The following ITPK1 variants were observed in gnomAD, a reference collection of about 807,000 sequenced individuals.
ITPK1 encodes the protein inositol-tetrakisphosphate 1-kinase.
Under a neutral mutation model 45.3 loss-of-function variants are expected in ITPK1, and 21 were observed. The ratio of observed to expected loss-of-function variants is 0.46; its 90% CI spans 0.33 to 0.67. The LOEUF (loss-of-function observed/expected upper bound fraction) is 0.67. Among genes scored for constraint, ITPK1 ranks in the 30% least tolerant of loss-of-function variants. The pLI, the probability that ITPK1 is intolerant of heterozygous loss-of-function variation, is 0.02. For synonymous variants in ITPK1, 258 were observed against 253.6 expected, an observed-to-expected ratio of 1.02 and a Z score of -0.16; for missense variants, 474 against 573.5, an observed-to-expected ratio of 0.83 and a Z score of 1.77.
rs535250389 is a variant in ITPK1 at position 92,995,087 on chromosome 14, G to A, written c.247-1090C>T. Among the ~76,000 whole-genome samples the A allele has an allele frequency of 8.5e-5, 13 of 152,294 alleles. No individual in the cohort carries two copies. The East Asian group carries it at 1.9e-3, about 23-fold the overall frequency. On this transcript the variant is annotated intron_variant, in intron 4 of 10. Transcript: ENST00000267615. ...CACCACCACTGGGAGCCGGGAGAGG[G>A]GCAGGGAAGCTTCGCCCTCAGGGCC...
At chr14:93,055,379 A>G (rs1240256743) in intron 3 of ITPK1, among the ~76,000 whole-genome samples, 2 of 152,016 alleles carry the variant, frequency 1.3e-5, no homozygotes, top group East Asian at 3.9e-4. Context: ...TAACCAAGCC[A>G]TGTTCCCAAA....
intron 4 of ITPK1, among the ~76,000 whole-genome samples, chr14:93,004,617 A>AGT (rs151074140): frequency 3.3e-5 from 5 of 151,194 alleles, no homozygotes; most frequent in Admixed American, 6.6e-5. Context: ...AGAGCATATG[A>AGT]GTGTGTGTGT....
At chr14:92,951,075 G>A (rs1042472440) in intron 9 of ITPK1, among the ~76,000 whole-genome samples, 3 of 152,216 alleles carry the variant, frequency 2.0e-5, no homozygotes, top group Non-Finnish European at 2.9e-5. Flanking sequence ...AGGCTGGTTC[G>A]TTGGAGAGGC....
intron 3 of ITPK1, among the ~76,000 whole-genome samples, chr14:93,061,389 C>T (rs1436422607): frequency 6.6e-6 from 1 of 152,202 alleles, no homozygotes; most frequent in African/African-American, 2.4e-5. Context: ...ACCACTCCTT[C>T]CTCCTCTCCC....
chr14:93,007,527 C>T (rs1887683715), intron 4 of ITPK1, among the ~76,000 whole-genome samples: 1 of 152,202 alleles, frequency 6.6e-6, no homozygotes, highest in Admixed American at 6.5e-5. Context: ...AGAGAACAGT[C>T]ATCCAGAATC....
chr14:92,986,833 G>A (rs1886508645), intron 5 of ITPK1, among the ~76,000 whole-genome samples: 1 of 152,206 alleles, frequency 6.6e-6, no homozygotes, highest in Non-Finnish European at 1.5e-5. Flanking sequence ...GTCGCCATGA[G>A]AGCTCAGTCC....
In ITPK1 at chr14:93,012,456, G is replaced by A. The variant is rs142421247; in HGVS notation, c.246+4220C>T. Among the ~76,000 whole-genome samples, 15 of 152,324 alleles carry A rather than the reference G, an allele frequency of 9.8e-5. No homozygotes were observed. Among genetic ancestry groups the A allele is most frequent in the African/African-American group, 2.2e-4 (9 of 41,564 alleles). On this transcript the variant is annotated intron_variant, in intron 4 of 10. Coordinates refer to ENST00000267615, the MANE Select transcript of ITPK1 (RefSeq NM_014216.6). The surrounding 1 kb of genome is among the most constrained non-coding windows in gnomAD (Gnocchi z 4.9). Reference sequence around the variant, plus strand: ...CTGCTGAGGGGGCCAGGGAAGGAGCGGGTGGGGCAGATCACCGAGGCCCCA... The same window carrying A: ...CTGCTGAGGGGGCCAGGGAAGGAGCAGGTGGGGCAGATCACCGAGGCCCCA...
At chr14:93,107,094 A>G (rs1892557445) in intron 2 of ITPK1, among the ~76,000 whole-genome samples, 1 of 152,168 alleles carries the variant, frequency 6.6e-6, no homozygotes, top group South Asian at 2.1e-4. Context: ...AGTAGCTGGG[A>G]TAACAAGCAC....
chr14:92,971,450 G>A (rs1209849257), intron 5 of ITPK1, among the ~76,000 whole-genome samples: 1 of 152,258 alleles, frequency 6.6e-6, no homozygotes, highest in Non-Finnish European at 1.5e-5. Context: ...AGCAGATGCT[G>A]AGGATGGGCC....
intron 5 of ITPK1, among the ~76,000 whole-genome samples, chr14:92,979,517 A>G (rs1304945531): frequency 2.0e-5 from 3 of 152,074 alleles, no homozygotes; most frequent in African/African-American, 7.2e-5. Flanking sequence ...GTAATTCCCA[A>G]TTTGGGGGAG....
intron 10 of ITPK1, among the ~76,000 whole-genome samples, chr14:92,945,324 G>A (rs553686014): frequency 4.2e-4 from 64 of 152,342 alleles, no homozygotes; most frequent in African/African-American, 1.4e-3. Context: ...TCAGACGAGC[G>A]GAGGTGACAC....
chr14:93,078,860 C>G (rs1467101865), intron 2 of ITPK1, among the ~76,000 whole-genome samples: 1 of 152,176 alleles, frequency 6.6e-6, no homozygotes, highest in East Asian at 1.9e-4. Flanking sequence ...AGCAGAGGAC[C>G]TTGAGGAGCC....
chr14:92,941,928 C>T lies in ITPK1; in HGVS notation c.902-24G>A, dbSNP rs745933633. 4 of 1,603,180 alleles carry T rather than the reference C, an allele frequency of 2.5e-6. No individual in the cohort carries two copies. In the South Asian group the frequency reaches 4.5e-5, roughly 18 times the overall value. On this transcript the variant is annotated intron_variant, in intron 10 of 10. Coordinates refer to ENST00000267615, the MANE Select transcript of ITPK1 (RefSeq NM_014216.6). Reference sequence around the variant, plus strand: ...GCCTGGGGGTGGGAGAGAGACAGCACAAGGGGCGTGAGCCAGGGGCACGCA... The same window carrying T: ...GCCTGGGGGTGGGAGAGAGACAGCATAAGGGGCGTGAGCCAGGGGCACGCA...
intron 9 of ITPK1, 148 bp from the exon 10 acceptor site, chr14:92,946,641 G>A (rs780704061): frequency 9.1e-5 from 70 of 771,892 alleles, no homozygotes; most frequent in East Asian, 2.4e-4. Context: ...AGCACGGGGC[G>A]GCCACTGGCC....
At chr14:93,029,111 G>A (rs1385618484) in intron 3 of ITPK1, among the ~76,000 whole-genome samples, 1 of 152,150 alleles carries the variant, frequency 6.6e-6, no homozygotes, top group Non-Finnish European at 1.5e-5. Context: ...TATCCATACA[G>A]TATATATTGG....
chr14:92,980,012 G>A lies in ITPK1; in HGVS notation c.364+13868C>T, dbSNP rs1001550916. Among the ~76,000 whole-genome samples, 10 of 152,018 alleles carry A rather than the reference G, an allele frequency of 6.6e-5. No homozygotes were observed. The East Asian group carries it at 7.7e-4, about 12-fold the overall frequency. On this transcript the variant is annotated intron_variant, in intron 5 of 10. Transcript: ENST00000267615. ...GCCAGGCTGGTCTGGAACTCCTGAC[G>A]TCAAACGATCCACCCGCCTCAGCCT...
intron 3 of ITPK1, among the ~76,000 whole-genome samples, chr14:93,039,893 G>A (rs981256249): frequency 5.6e-4 from 85 of 152,336 alleles, no homozygotes; most frequent in African/African-American, 2.0e-3. Flanking sequence ...CAAGGCCACT[G>A]AGTGTTCTTA....
chr14:93,051,843 A>G (rs1890028553), intron 3 of ITPK1, among the ~76,000 whole-genome samples: 1 of 152,004 alleles, frequency 6.6e-6, no homozygotes, highest in African/African-American at 2.4e-5. Context: ...ACGCTAACTC[A>G]CTCCCTAATC....
At position 92,958,184 on chromosome 14, in the gene ITPK1, G is replaced by A; in HGVS notation, c.670+17C>T. The A allele has an allele frequency of 6.2e-7, 1 of 1,613,668 alleles. No individual in the cohort carries two copies. The highest frequency in any genetic ancestry group is 8.5e-7 in the Non-Finnish European group (1 of 1,179,608). On this transcript the variant is annotated intron_variant, in intron 8 of 10. Coordinates refer to ENST00000267615, the MANE Select transcript of ITPK1 (RefSeq NM_014216.6). The surrounding 1 kb of genome is among the most constrained non-coding windows in gnomAD (Gnocchi z 4.4). ...CCTGAGTCTTGCTCAGCCCAAGATGGTGAGAAGAGCAGTTACCTGATGTGC... is the reference window on the plus strand; with the variant it reads ...CCTGAGTCTTGCTCAGCCCAAGATGATGAGAAGAGCAGTTACCTGATGTGC...
Sources: allele counts gnomAD v4.1 joint callset (sites outside exome capture counted in the v4.1 genomes callset), GRCh38; gene constraint gnomAD v4.1.1; non-coding constraint Gnocchi (gnomAD v3.1); transcripts MANE v1.5; gene names NCBI Gene and HGNC (gene_info 2026-07-23, HGNC 2026-07-21).